RSPO2: variants seen among roughly 807,000 people sequenced by gnomAD.
RSPO2 encodes R-spondin 2, also known as R-spondin-2.
RSPO2 carries 14 observed loss-of-function variants against 30.9 expected under a neutral mutation model. The ratio of observed to expected loss-of-function variants is 0.45; its 90% CI spans 0.30 to 0.71. The LOEUF (loss-of-function observed/expected upper bound fraction) is 0.71. RSPO2 is among the 30% of genes least tolerant of loss of function. The probability of loss-of-function intolerance (pLI) is 0.08; values close to 1 mark genes in which losing one functional copy is unlikely to be tolerated. For synonymous variants in RSPO2, 107 were observed against 96.4 expected (o/e 1.11, Z -0.64); for missense variants, 264 against 301.9 (o/e 0.87, Z 0.93).
intron 2 of RSPO2, among the ~76,000 whole-genome samples, chr8:108,011,564 T>A (rs759392738): frequency 2.6e-5 from 4 of 152,368 alleles, no homozygotes; most frequent in South Asian, 2.1e-4. Context: ...TTTAAAATAA[T>A]TTTGGTACCA....
intron 4 of RSPO2, 84 bp downstream of exon 4, chr8:107,960,586 AGTTT>A: frequency 1.6e-6 from 2 of 1,250,270 alleles, no homozygotes; most frequent in Non-Finnish European, 2.3e-6. Flanking sequence ...TTTGTTTCTT[AGTTT>A]AAATATATCC....
chr8:107,942,361 G>A (rs977136688), intron 5 of RSPO2, among the ~76,000 whole-genome samples: 2 of 152,012 alleles, frequency 1.3e-5, no homozygotes, highest in African/African-American at 4.8e-5. Context: ...TAATGCCCAC[G>A]CCTCTTGAAA....
chr8:107,927,114 C>T (rs1182369243), intron 5 of RSPO2, among the ~76,000 whole-genome samples: 2 of 152,136 alleles, frequency 1.3e-5, no homozygotes, highest in Non-Finnish European at 2.9e-5. Context: ...TCCTTCACAT[C>T]CCTTGTAAGT....
chr8:107,937,338 C>T (rs1812752313), intron 5 of RSPO2, among the ~76,000 whole-genome samples: 1 of 151,824 alleles, frequency 6.6e-6, no homozygotes, highest in South Asian at 2.1e-4. Flanking sequence ...TATTTTGTTC[C>T]ATTGGTCTAT....
chr8:107,908,617 A>G (rs1244385427), intron 5 of RSPO2, among the ~76,000 whole-genome samples: 1 of 152,152 alleles, frequency 6.6e-6, no homozygotes, highest in African/African-American at 2.4e-5. Flanking sequence ...AATTTCTTAA[A>G]TACTTTTTGT....
chr8:108,007,746 C>T (rs1815497698), intron 2 of RSPO2, among the ~76,000 whole-genome samples: 1 of 151,970 alleles, frequency 6.6e-6, no homozygotes, highest in African/African-American at 2.4e-5. Flanking sequence ...GAGAAAATAG[C>T]CAGTAAATAA....
intron 5 of RSPO2, among the ~76,000 whole-genome samples, chr8:107,938,777 G>A (rs774274003): frequency 9.2e-5 from 14 of 152,144 alleles, no homozygotes; most frequent in African/African-American, 2.2e-4. Flanking sequence ...TGCCAAATGC[G>A]TTCTGCAACC....
At chr8:107,957,299 A>G (rs1813462556) in intron 5 of RSPO2, among the ~76,000 whole-genome samples, 1 of 152,176 alleles carries the variant, frequency 6.6e-6, no homozygotes, top group African/African-American at 2.4e-5. Flanking sequence ...TTTTGAGCGA[A>G]TGACATTGTA....
At chr8:107,997,174 A>G (rs1815057806) in intron 2 of RSPO2, 1 of 199,960 alleles carries the variant, frequency 5.0e-6, no homozygotes, top group South Asian at 7.9e-5. Context: ...GTAAATCAAT[A>G]GCTTAGTAAT....
chr8:108,071,895 T>G (rs1011621847), intron 2 of RSPO2, among the ~76,000 whole-genome samples: 1 of 152,146 alleles, frequency 6.6e-6, no homozygotes, highest in African/African-American at 2.4e-5. Context: ...TGTTTAGGTA[T>G]GGTAACATGG....
At chr8:107,946,397 G>T (rs1046106404) in intron 5 of RSPO2, among the ~76,000 whole-genome samples, 3 of 152,184 alleles carry the variant, frequency 2.0e-5, no homozygotes, top group Admixed American at 6.6e-5. Flanking sequence ...GGAAAGGGGG[G>T]CTGTCCCAGG....
intron 2 of RSPO2, among the ~76,000 whole-genome samples, chr8:108,003,240 T>C (rs1815308197): frequency 4.5e-5 from 2 of 44,404 alleles, no homozygotes; most frequent in South Asian, 9.8e-4. Context: ...TGTGTATATA[T>C]GTATGTATGT....
At chr8:107,919,326 C>T (rs541378336) in intron 5 of RSPO2, among the ~76,000 whole-genome samples, 1 of 152,318 alleles carries the variant, frequency 6.6e-6, no homozygotes, top group South Asian at 2.1e-4. Context: ...AACCTCCAAG[C>T]TGTCTTTGTT....
chr8:108,082,430 C>T, intron 2 of RSPO2, 115 bp downstream of exon 2: 1 of 732,792 alleles, frequency 1.4e-6, no homozygotes, highest in Non-Finnish European at 2.3e-6. Flanking sequence ...CCCGCAAAAG[C>T]TGGGGTGGAG....
In RSPO2 at chr8:107,900,817, C is replaced by A. The variant is rs1811432621; in HGVS notation, c.*258G>T. 3 of 352,522 alleles carry A rather than the reference C, an allele frequency of 8.5e-6. No individual in the cohort carries two copies. Among genetic ancestry groups the A allele is most frequent in the Non-Finnish European group, 1.5e-5 (3 of 195,244 alleles). 21.8% of individuals were successfully genotyped at this position (352,522 alleles called of 1,614,324 possible). ...TCACACCTCTAGCATGTCCATGGTG[C>A]CGGGGACGGATTCTCTCAGCACACA... is the stretch of plus-strand genomic sequence containing the variant. On this transcript the variant is annotated 3_prime_UTR_variant, in exon 6 of 6. Coordinates refer to ENST00000276659, the MANE Select transcript of RSPO2 (RefSeq NM_178565.5).
chr8:107,900,690 A>C lies in RSPO2; in HGVS notation c.*385T>G, dbSNP rs1811426943. ...CACAAACATATCCTTGAAAATGCAC[A>C]ATGTGAGAAATAAAGGTCACGAGTG... On this transcript the variant is annotated 3_prime_UTR_variant, in exon 6 of 6. Transcript: ENST00000276659. The C allele has an allele frequency of 6.0e-6, 1 of 165,890 alleles. No homozygotes were observed. Among genetic ancestry groups the C allele is most frequent in the Non-Finnish European group, 1.3e-5 (1 of 77,278 alleles). The allele number at this position is 165,890 out of a possible 1,614,324, so 10.3% of individuals were successfully genotyped here.
At chr8:107,983,137 CTCAACCTGGCTCA>C in intron 3 of RSPO2, 1 of 1,485,896 alleles carries the variant, frequency 6.7e-7, no homozygotes, top group Non-Finnish European at 9.1e-7. Context: ...TGAAGGACCC[CTCAACCTGGCTCA>C]TCAACAGAGC....
chr8:108,003,067 T>C (rs200562658), intron 2 of RSPO2, among the ~76,000 whole-genome samples: 1 of 150,036 alleles, frequency 6.7e-6, no homozygotes, highest in Non-Finnish European at 1.5e-5. Context: ...TTTTTTTTTT[T>C]TGAGACAGAG....
chr8:108,026,994 G>C (rs1222201987), intron 2 of RSPO2, among the ~76,000 whole-genome samples: 1 of 152,130 alleles, frequency 6.6e-6, no homozygotes, highest in African/African-American at 2.4e-5. Flanking sequence ...AGTATAGGCG[G>C]GAAAAGCAAT....
Sources: gnomAD v4.1 joint callset for allele counts (sites outside exome capture counted in the v4.1 genomes callset) on GRCh38, gnomAD v4.1.1 for gene constraint, MANE v1.5 for transcripts, NCBI Gene and HGNC (gene_info 2026-07-23, HGNC 2026-07-21) for gene names.